Variants in QPCTL observed in about 807,000 individuals in gnomAD.
QPCTL encodes glutaminyl-peptide cyclotransferase-like protein.
Under a neutral mutation model 34.6 loss-of-function variants are expected in QPCTL, and 31 were observed. The observed-to-expected ratio is 0.90, with a 90% confidence interval of 0.67 to 1.21. QPCTL has a LOEUF of 1.21. Ranked by LOEUF, QPCTL falls within the 50% of genes most tolerant of loss-of-function variation. The pLI is 0.00. For missense variants in QPCTL, 474 were observed against 507.8 expected (o/e 0.93, Z 0.64); for synonymous variants, 223 against 226.9 (o/e 0.98, Z 0.15).
intron 5 of QPCTL, 134 bp downstream of exon 5, chr19:45,699,034 T>A: frequency 1.1e-5 from 5 of 438,312 alleles, no homozygotes; most frequent in Non-Finnish European, 1.5e-5. Context: ...ACCCCATCTT[T>A]TTTTTTTTTT....
At chr19:45,700,617 A>C (rs1327049811) in intron 5 of QPCTL, among the ~76,000 whole-genome samples, 1 of 152,120 alleles carries the variant, frequency 6.6e-6, no homozygotes, top group Non-Finnish European at 1.5e-5. Flanking sequence ...AGCTGGATGA[A>C]CTTGGACAAG....
chr19:45,693,030 G>T, intron 1 of QPCTL, 120 bp downstream of exon 1: 3 of 1,071,990 alleles, frequency 2.8e-6, no homozygotes, highest in South Asian at 3.2e-5. Flanking sequence ...TTCGTCATCT[G>T]AGCGCATGAC....
chr19:45,700,844 A>C (rs1967796482), intron 5 of QPCTL, among the ~76,000 whole-genome samples: 1 of 151,660 alleles, frequency 6.6e-6, no homozygotes, highest in Non-Finnish European at 1.5e-5. Flanking sequence ...CTGTACTCCC[A>C]GCTACTCAGG....
Position 45,698,441 on chromosome 19 carries a change from A to C in QPCTL, c.634-106A>C, listed in dbSNP as rs1283012670. 19 of 1,359,782 alleles carry C rather than the reference A, an allele frequency of 1.4e-5. No homozygotes were observed. In the Admixed American group the frequency reaches 4.1e-4, roughly 29 times the overall value. 84.2% of individuals were successfully genotyped at this position (1,359,782 alleles called of 1,614,324 possible). On this transcript the variant is annotated intron_variant, in intron 3 of 6. Coordinates refer to ENST00000012049, the MANE Select transcript of QPCTL (RefSeq NM_017659.4). ...GCTACCACGTTCTATGAGTGAGGAC[A>C]CCTTATGTGTTCTCTTAAGCATGCA... is the stretch of plus-strand genomic sequence containing the variant.
intron 1 of QPCTL, 74 bp downstream of exon 1, chr19:45,692,984 C>A (rs1336235535): frequency 1.4e-6 from 2 of 1,437,504 alleles, no homozygotes; most frequent in Non-Finnish European, 1.9e-6. Context: ...GTTGACGTGG[C>A]TTTAGCGTAC....
intron 5 of QPCTL, 131 bp downstream of exon 5, chr19:45,699,031 CTTTTT>C (rs563977852): frequency 8.0e-4 from 264 of 331,464 alleles, no homozygotes; most frequent in Middle Eastern, 1.0e-3. Context: ...GAGACCCCAT[CTTTTT>C]TTTTTTTTTT....
At chr19:45,699,029 A>AAC in intron 5 of QPCTL, 129 bp downstream of exon 5, 11 of 508,408 alleles carry the variant, frequency 2.2e-5, no homozygotes, top group Admixed American at 4.2e-5. Context: ...GGGAGACCCC[A>AAC]TCTTTTTTTT....
chr19:45,703,090 A>C lies in QPCTL; in HGVS notation c.*41A>C. ...ACTGTGGAGAGGACTGTGAGAGAGA[A>C]GGTCCCAGCGGGGGCCAGTGAAGCT... On this transcript the variant is annotated 3_prime_UTR_variant, in exon 7 of 7. Coordinates refer to ENST00000012049, the MANE Select transcript of QPCTL (RefSeq NM_017659.4). 6.2e-7 allele frequency: 1 copy of C among 1,612,496 alleles called. No individual in the cohort carries two copies. Among genetic ancestry groups the C allele is most frequent in the Non-Finnish European group, 8.5e-7 (1 of 1,178,668 alleles).
Position 45,698,530 on chromosome 19 carries a change from C to T in QPCTL, c.634-17C>T, listed in dbSNP as rs1279027098. On this transcript the variant is annotated splice_polypyrimidine_tract_variant and intron_variant, in intron 3 of 6. Coordinates refer to ENST00000012049, the MANE Select transcript of QPCTL (RefSeq NM_017659.4). ...AGTCCTGAGCTGGCTCTGGCCACCC[C>T]CCTGCTGCTCCCACAGGCAGCCCCG... The T allele has an allele frequency of 1.9e-6, 3 of 1,613,462 alleles. No individual in the cohort carries two copies. Among genetic ancestry groups the T allele is most frequent in the Admixed American group, 3.3e-5 (2 of 59,976 alleles).
chr19:45,696,833 G>A (rs1967706222), intron 3 of QPCTL, among the ~76,000 whole-genome samples: 4 of 152,002 alleles, frequency 2.6e-5, no homozygotes, highest in South Asian at 4.2e-4. Context: ...CTTCAAAGAG[G>A]CCTTCCCGGC....
Position 45,703,951 on chromosome 19 carries a change from T to C in QPCTL, c.*902T>C, listed in dbSNP as rs1049560915. On this transcript the variant is annotated 3_prime_UTR_variant, in exon 7 of 7. Transcript: ENST00000012049. ...CTGGGCAACAGAGCGAGACTCCATC[T>C]CAATAAATAAATAAATAAATAAATA... The C allele has an allele frequency of 6.8e-6, 1 of 147,950 alleles. No homozygotes were observed. Among genetic ancestry groups the C allele is most frequent in the South Asian group, 2.2e-4 (1 of 4,594 alleles). 9.2% of individuals were successfully genotyped at this position (147,950 alleles called of 1,614,324 possible).
chr19:45,703,080 G>GTT lies in QPCTL; in HGVS notation c.*32_*33insTT. On this transcript the variant is annotated 3_prime_UTR_variant, in exon 7 of 7. Coordinates refer to ENST00000012049, the MANE Select transcript of QPCTL (RefSeq NM_017659.4). The stretch of plus-strand genomic sequence containing the variant: ...TTGGCCAATGACTGTGGAGAGGACT[G>GTT]TGAGAGAGAAGGTCCCAGCGGGGGC... 3 of 1,613,578 alleles carry GTT rather than the reference G, an allele frequency of 1.9e-6. No homozygotes were observed. Among genetic ancestry groups the GTT allele is most frequent in the Non-Finnish European group, 2.5e-6 (3 of 1,179,522 alleles).
chr19:45,701,613 T>TA (rs1413988469), intron 5 of QPCTL, among the ~76,000 whole-genome samples, 185 bp from the exon 6 acceptor site: 2 of 152,132 alleles, frequency 1.3e-5, no homozygotes, highest in Non-Finnish European at 2.9e-5. Context: ...GTCTATGTCT[T>TA]AGACTCTGAG....
chr19:45,703,178 C>A lies in QPCTL; in HGVS notation c.*129C>A. 1.7e-6 allele frequency: 2 copies of A among 1,191,090 alleles called. No individual in the cohort carries two copies. The highest frequency in any genetic ancestry group is 2.4e-6 in the Non-Finnish European group (2 of 847,554). The allele number at this position is 1,191,090 out of a possible 1,614,324, so 73.8% of individuals were successfully genotyped here. A position where few individuals can be genotyped will look rare whatever the true frequency, so the allele number is the denominator to read the frequency against. ...TTCATACCTTTGTCTCCTAATTGTG[C>A]TACAATTGGAAGACCTTCTTTCTTT... On this transcript the variant is annotated 3_prime_UTR_variant, in exon 7 of 7. Coordinates refer to ENST00000012049, the MANE Select transcript of QPCTL (RefSeq NM_017659.4).
chr19:45,697,967 G>A (rs1055242349), intron 3 of QPCTL, among the ~76,000 whole-genome samples: 111 of 152,170 alleles, frequency 7.3e-4, no homozygotes, highest in African/African-American at 2.6e-3. Context: ...TTATTGCCGG[G>A]CGCGGTGGCT....
At position 45,703,254 on chromosome 19, in the gene QPCTL, G is replaced by A. The variant is rs1214996276; in HGVS notation, c.*205G>A. 1.6e-6 allele frequency: 1 copy of A among 642,056 alleles called. No individual in the cohort carries two copies. The highest frequency in any genetic ancestry group is 2.6e-6 in the Non-Finnish European group (1 of 381,764). The allele number at this position is 642,056 out of a possible 1,614,324, so 39.8% of individuals were successfully genotyped here. A position where few individuals can be genotyped will look rare whatever the true frequency, so the allele number is the denominator to read the frequency against. On this transcript the variant is annotated 3_prime_UTR_variant, in exon 7 of 7. Coordinates refer to ENST00000012049, the MANE Select transcript of QPCTL (RefSeq NM_017659.4). ...AAGGACAGGGAAGAGACCACTGTGG[G>A]ATGACAGCCAGAGGAATAAGAACTT... is the stretch of plus-strand genomic sequence containing the variant.
At chr19:45,693,589 T>TA in intron 2 of QPCTL, 33 bp downstream of exon 2, 1 of 1,567,032 alleles carries the variant, frequency 6.4e-7, no homozygotes, top group Non-Finnish European at 8.7e-7. Flanking sequence ...CCTGACCCCC[T>TA]AGCCCTCCAG....
intron 5 of QPCTL, 55 bp downstream of exon 5, chr19:45,698,955 C>G: frequency 6.7e-7 from 1 of 1,503,458 alleles, no homozygotes; most frequent in Non-Finnish European, 9.2e-7. Flanking sequence ...GGGTACAGGG[C>G]GGTGGGCTGG....
chr19:45,692,872 C>A lies in QPCTL; in HGVS notation c.169C>A (p.Arg57Ser), dbSNP rs1451349893. 6.5e-6 allele frequency: 10 copies of A among 1,550,238 alleles called. No homozygotes were observed. The highest frequency in any genetic ancestry group is 8.7e-6 in the Non-Finnish European group (10 of 1,148,874). ...AFYTIWSGWH[R>S]RTEELPLGRE... The stretch of plus-strand genomic sequence containing the variant: ...CTACACCATTTGGAGCGGCTGGCAC[C>A]GCAGGACTGAGGAGCTGCCGCTGGG... The change falls in exon 1 of 7, where the codon CGC becomes AGC. Residue 57 changes from arginine (R) to serine (S), a missense_variant. Coordinates refer to ENST00000012049, the MANE Select transcript of QPCTL (RefSeq NM_017659.4).
Sources: allele counts gnomAD v4.1 joint callset (sites outside exome capture counted in the v4.1 genomes callset), GRCh38; gene constraint gnomAD v4.1.1; transcripts MANE v1.5; gene names NCBI Gene and HGNC (gene_info 2026-07-23, HGNC 2026-07-21).